RAI14: variants seen among roughly 807,000 people sequenced by gnomAD.
RAI14 encodes retinoic acid induced 14, also known as ankycorbin.
RAI14 carries 45 observed loss-of-function variants against 115.4 expected under a neutral mutation model. The ratio of observed to expected loss-of-function variants is 0.39; its 90% confidence interval spans 0.31 to 0.50. The LOEUF is 0.50. Among genes scored for constraint, RAI14 ranks in the 20% least tolerant of loss-of-function variants. The probability of loss-of-function intolerance (pLI) is 0.85; values close to 1 mark genes in which losing one functional copy is unlikely to be tolerated. For missense variants in RAI14, 939 were observed against 1,131.2 expected (o/e 0.83, Z 2.44); for synonymous variants, 371 against 415.4 (o/e 0.89, Z 1.30).
chr5:34,792,238 T>TTC (rs1185796092), intron 3 of RAI14, among the ~76,000 whole-genome samples: 1 of 145,788 alleles, frequency 6.9e-6, no homozygotes, highest in Non-Finnish European at 1.5e-5. Flanking sequence ...CTTTTTTCTT[T>TTC]TTTTTTTTTT....
intron 2 of RAI14, among the ~76,000 whole-genome samples, chr5:34,721,291 G>GTATATATATA (rs10538679): frequency 4.1e-3 from 540 of 131,018 alleles, no homozygotes; most frequent in East Asian, 0.01. Context: ...ATGTAGATGT[G>GTATATATATA]TATATATATA....
intron 1 of RAI14, among the ~76,000 whole-genome samples, chr5:34,680,422 C>T (rs535542960): frequency 6.6e-6 from 1 of 152,296 alleles, no homozygotes; most frequent in South Asian, 2.1e-4. Flanking sequence ...TAATAACGGG[C>T]TCTGGCAAGA....
intron 2 of RAI14, among the ~76,000 whole-genome samples, chr5:34,754,906 C>G (rs1030086189): frequency 6.6e-6 from 1 of 152,140 alleles, no homozygotes; most frequent in African/African-American, 2.4e-5. Context: ...AAAGGAAAAT[C>G]CTTTCATGCG....
chr5:34,730,418 T>C (rs534505049), intron 2 of RAI14, among the ~76,000 whole-genome samples: 1 of 152,268 alleles, frequency 6.6e-6, no homozygotes, highest in East Asian at 1.9e-4. Context: ...GGCTCATGCC[T>C]GTAATCCCAG....
chr5:34,752,534 A>G (rs334909), intron 2 of RAI14, among the ~76,000 whole-genome samples: 25,913 of 151,780 alleles, frequency 0.17, 2,452 homozygotes, highest in Middle Eastern at 0.34. Flanking sequence ...GAGTAGAGAA[A>G]CAGAGAGAGG....
At chr5:34,767,073 A>G (rs1431550492) in intron 3 of RAI14, among the ~76,000 whole-genome samples, 1 of 152,200 alleles carries the variant, frequency 6.6e-6, no homozygotes, top group East Asian at 1.9e-4. Context: ...TGTAAGTCCA[A>G]TTAAACCTCT....
At chr5:34,671,679 A>G (rs1260811197) in intron 1 of RAI14, among the ~76,000 whole-genome samples, 1 of 152,154 alleles carries the variant, frequency 6.6e-6, no homozygotes, top group Non-Finnish European at 1.5e-5. Flanking sequence ...AATTTTATCT[A>G]GTGTATCCAA....
At chr5:34,724,576 C>T (rs1743212709) in intron 2 of RAI14, among the ~76,000 whole-genome samples, 1 of 151,970 alleles carries the variant, frequency 6.6e-6, no homozygotes, top group Admixed American at 6.6e-5. Context: ...GAAATCCAAG[C>T]CATGAGAATT....
intron 2 of RAI14, among the ~76,000 whole-genome samples, chr5:34,734,612 T>C (rs1041508168): frequency 3.3e-5 from 5 of 152,062 alleles, no homozygotes; most frequent in African/African-American, 1.2e-4. Context: ...AATTGGGGCA[T>C]TAACTGGCAG....
intron 1 of RAI14, among the ~76,000 whole-genome samples, chr5:34,674,334 C>G (rs914157462): frequency 7.2e-5 from 11 of 152,206 alleles, no homozygotes; most frequent in African/African-American, 2.7e-4. Context: ...AGTGACACCA[C>G]TGCGATCATT....
chr5:34,808,259 G>T (rs367972156), intron 6 of RAI14, among the ~76,000 whole-genome samples: 1 of 152,160 alleles, frequency 6.6e-6, no homozygotes, highest in Non-Finnish European at 1.5e-5. Flanking sequence ...AGTGACAAAC[G>T]TTGACACTGA....
At chr5:34,753,310 G>C (rs1456113106) in intron 2 of RAI14, among the ~76,000 whole-genome samples, 2 of 152,130 alleles carry the variant, frequency 1.3e-5, no homozygotes, top group Non-Finnish European at 2.9e-5. Flanking sequence ...TATTTGACCA[G>C]CTCTACTTTT....
At chr5:34,725,360 G>T (rs1038579041) in intron 2 of RAI14, among the ~76,000 whole-genome samples, 4 of 151,922 alleles carry the variant, frequency 2.6e-5, no homozygotes, top group Non-Finnish European at 5.9e-5. Context: ...AAAAAGAATT[G>T]AATTTTCATT....
chr5:34,798,351 T>TTG (rs1753797717), intron 4 of RAI14, among the ~76,000 whole-genome samples: 1 of 121,526 alleles, frequency 8.2e-6, no homozygotes, highest in Non-Finnish European at 1.9e-5. Flanking sequence ...AATAAGTTTT[T>TTG]TTTTTTTTTT....
intron 3 of RAI14, among the ~76,000 whole-genome samples, chr5:34,778,957 C>T (rs565081887): frequency 1.3e-4 from 19 of 151,958 alleles, no homozygotes; most frequent in African/African-American, 3.4e-4. Context: ...TGATGAACAT[C>T]GATGCAAAAA....
In RAI14 at chr5:34,830,829, G is replaced by A. The variant is rs1022468094; in HGVS notation, c.*64G>A. 3.7e-5 allele frequency: 60 copies of A among 1,603,106 alleles called. No individual in the cohort carries two copies. Among genetic ancestry groups the A allele is most frequent in the African/African-American group, 9.4e-5 (7 of 74,492 alleles). On this transcript the variant is annotated 3_prime_UTR_variant, in exon 18 of 18. Coordinates refer to ENST00000265109, the MANE Select transcript of RAI14 (RefSeq NM_015577.3). ...TCTTTGTGTTAGATCCAGAGTTGTC[G>A]GCAGCCGCTGCCATTGTTCTCATTC... is the stretch of plus-strand genomic sequence containing the variant.
In RAI14 at chr5:34,772,055, C is replaced by T. The variant is rs114207796; in HGVS notation, c.167+14457C>T. 3.9e-3 allele frequency among the ~76,000 whole-genome samples: 594 copies of T among 152,108 alleles called. 5 individuals are homozygous for T. The highest frequency in any genetic ancestry group is 0.014 in the African/African-American group (566 of 41,500). ...TCTCAAGTAGGTGGGACTATAGGTA[C>T]GTGGCACCTCACCTGGCTAATTTAT... On this transcript the variant is annotated intron_variant, in intron 3 of 17. Transcript: ENST00000265109.
intron 1 of RAI14, among the ~76,000 whole-genome samples, chr5:34,663,744 T>C (rs916615851): frequency 6.6e-6 from 1 of 152,216 alleles, no homozygotes; most frequent in Non-Finnish European, 1.5e-5. Context: ...GATATAGAGT[T>C]GTCCTAGTCT....
chr5:34,778,418 G>T (rs13182502), intron 3 of RAI14, among the ~76,000 whole-genome samples: 1 of 152,052 alleles, frequency 6.6e-6, no homozygotes, highest in Non-Finnish European at 1.5e-5. Flanking sequence ...ACCCTGGCCG[G>T]GCATGGTGGC....
Sources: allele counts gnomAD v4.1 joint callset (sites outside exome capture counted in the v4.1 genomes callset), GRCh38; gene constraint gnomAD v4.1.1; transcripts MANE v1.5; gene names NCBI Gene and HGNC (gene_info 2026-07-23, HGNC 2026-07-21).